The following SYNE2 variants were observed in gnomAD, a reference collection of about 807,000 sequenced individuals.
The protein encoded by SYNE2 is nesprin-2.
A neutral mutation model predicts 856.3 loss-of-function variants in SYNE2; 431 were observed. The ratio of observed to expected loss-of-function variants is 0.50; its 90% CI spans 0.47 to 0.55. SYNE2 has a LOEUF of 0.55. SYNE2 is among the 20% of genes least tolerant of loss of function. SYNE2 has a pLI of 0.00. For missense variants in SYNE2, 8,129 were observed against 8,023.2 expected (o/e 1.01, Z -0.50); for synonymous variants, 2,923 against 2,872.3 (o/e 1.02, Z -0.56).
rs572144224 is a variant in SYNE2, at chr14:63,785,654, C to T, written c.-305+23668C>T. Among the ~76,000 whole-genome samples, 3 of 152,288 alleles carry T rather than the reference C, an allele frequency of 2.0e-5. No individual in the cohort carries two copies. In the East Asian group the frequency reaches 5.8e-4, roughly 29 times the overall value. The stretch of plus-strand genomic sequence containing the variant: ...AACCATGTGCGACAAGTGTGGATAT[C>T]TGTCCACAAAACGTACAAGATTCTG... On this transcript the variant is annotated intron_variant, in intron 1 of 23. Coordinates refer to the SYNE2 transcript ENST00000674003.
intron 21 of SYNE2, 93 bp downstream of exon 21, chr14:63,991,208 C>T (rs1467665713): frequency 8.1e-7 from 1 of 1,229,400 alleles, no homozygotes; most frequent in Non-Finnish European, 1.2e-6. Flanking sequence ...TAATTATATA[C>T]TGAGTTACTG....
chr14:63,784,264 G>A (rs1029651829), intron 1 of SYNE2, among the ~76,000 whole-genome samples: 5 of 151,240 alleles, frequency 3.3e-5, no homozygotes, highest in Admixed American at 6.6e-5. Flanking sequence ...AGGTTGAGGC[G>A]GGTGGATCAC....
chr14:64,106,785 T>C (rs955365578), intron 64 of SYNE2, among the ~76,000 whole-genome samples: 2 of 152,254 alleles, frequency 1.3e-5, no homozygotes, highest in African/African-American at 2.4e-5. Context: ...TCCTTTCTTG[T>C]CATGCTTCCC....
At chr14:63,821,265 TA>T (rs1278618396) in intron 1 of SYNE2, among the ~76,000 whole-genome samples, 5 of 152,170 alleles carry the variant, frequency 3.3e-5, no homozygotes, top group Non-Finnish European at 5.9e-5. Flanking sequence ...CAGCCTGAAA[TA>T]ACATTTTGGA....
intron 1 of SYNE2, among the ~76,000 whole-genome samples, chr14:63,889,785 C>T (rs2095084643): frequency 6.6e-6 from 1 of 151,864 alleles, no homozygotes; most frequent in South Asian, 2.1e-4. Flanking sequence ...GCCCGTACTG[C>T]AGTATTTAGT....
chr14:63,908,164 C>G (rs562342807), intron 1 of SYNE2, among the ~76,000 whole-genome samples: 78 of 152,196 alleles, frequency 5.1e-4, no homozygotes, highest in African/African-American at 1.9e-3. Flanking sequence ...CCCCCTCCCC[C>G]AGCATTTTAT....
chr14:64,215,143 T>C, intron 106 of SYNE2, 143 bp from the exon 107 acceptor site: 1 of 816,786 alleles, frequency 1.2e-6, no homozygotes, highest in East Asian at 2.6e-5. Flanking sequence ...AAAAAAAATC[T>C]TTCTGGTTTT....
intron 1 of SYNE2, among the ~76,000 whole-genome samples, chr14:63,879,290 C>G (rs753970639): frequency 6.6e-6 from 1 of 152,178 alleles, no homozygotes; most frequent in Admixed American, 6.5e-5. Context: ...ACTCCTCTAG[C>G]AAGGCAGGAA....
At chr14:64,103,709 C>A (rs1419871663) in intron 64 of SYNE2, among the ~76,000 whole-genome samples, 1 of 152,132 alleles carries the variant, frequency 6.6e-6, no homozygotes, top group East Asian at 1.9e-4. Flanking sequence ...GGCTTCCCCT[C>A]CCTAACATGT....
intron 66 of SYNE2, among the ~76,000 whole-genome samples, chr14:64,116,459 C>G (rs1355000895): frequency 6.6e-6 from 1 of 152,038 alleles, no homozygotes; most frequent in East Asian, 1.9e-4. Context: ...TCGCTCTCAC[C>G]CAGGCTGGAG....
Position 64,130,068 on chromosome 14 carries a change from G to A in SYNE2, c.14160G>A (p.Trp4720Ter). The A allele has an allele frequency of 6.2e-7, 1 of 1,613,928 alleles. No individual in the cohort carries two copies. The highest frequency in any genetic ancestry group is 8.5e-7 in the Non-Finnish European group (1 of 1,180,026). ...TTCAGGATGTACTTGACAGTATGTG[G>A]GGAATGCTAAGAGCCAGGTACACAG... ...YKLEDVLDSM[W>*]GMLRARYTEL... The change falls in exon 76 of 116, where the codon TGG becomes TGA. Residue 4720 changes from tryptophan to a stop codon, truncating the protein, a stop_gained. Coordinates refer to ENST00000555002, the MANE Select transcript of SYNE2 (RefSeq NM_182914.3). LOFTEE classifies it high-confidence loss of function.
At chr14:63,939,801 G>A (rs2095880991) in intron 2 of SYNE2, among the ~76,000 whole-genome samples, 1 of 152,180 alleles carries the variant, frequency 6.6e-6, no homozygotes. Context: ...AGGTCACACA[G>A]CTACCCCATA....
At chr14:64,208,734 T>C (rs758153210) in intron 100 of SYNE2, 24 bp from the exon 101 acceptor site, 1 of 1,613,750 alleles carries the variant, frequency 6.2e-7, no homozygotes, top group African/African-American at 1.3e-5. Context: ...TCTCAAGAGG[T>C]TTCTTACTCT....
intron 109 of SYNE2, 73 bp from the exon 110 acceptor site, chr14:64,219,135 A>AC: frequency 2.1e-6 from 2 of 960,358 alleles, no homozygotes; most frequent in Admixed American, 2.0e-5. Context: ...AACCACCCTG[A>AC]CCCCTAATTA....
intron 45 of SYNE2, among the ~76,000 whole-genome samples, chr14:64,037,483 G>T (rs2097101049): frequency 6.6e-6 from 1 of 152,192 alleles, no homozygotes; most frequent in South Asian, 2.1e-4. Context: ...CAAGGCAAAA[G>T]AATTTTTCTT....
intron 62 of SYNE2, 140 bp from the exon 63 acceptor site, chr14:64,098,601 CGGACCA>C: frequency 1.3e-6 from 1 of 786,672 alleles, no homozygotes; most frequent in Non-Finnish European, 2.2e-6. Flanking sequence ...AGGAGCTGAA[CGGACCA>C]GGAGACAGGC....
In SYNE2 at chr14:64,048,126, T is replaced by G. The variant is rs2097199277; in HGVS notation, c.7348T>G (p.Leu2450Val). 1.2e-6 allele frequency: 2 copies of G among 1,613,438 alleles called. No individual in the cohort carries two copies. Among genetic ancestry groups the G allele is most frequent in the Non-Finnish European group, 1.7e-6 (2 of 1,179,644 alleles). Reference protein sequence around the residue: ...QNQPLELDTMLRNEQLEEIEK... With the variant: ...QNQPLELDTMVRNEQLEEIEK... ...TCAACCTTTAGAATTAGATACTATG[T>G]TAAGAAATGAACAATTAGAAGAGAT... The change falls in exon 46 of 116, where the codon TTA (leucine) becomes GTA (valine). Residue 2450 changes from leucine to valine, a missense_variant. Physicochemically the swap from Leu to Val is conservative, Grantham distance 32 (BLOSUM62 1). This residue lies in a region of SYNE2 where 5,410 missense variants were observed against 5,284.8 expected (regional missense o/e 1.02). Transcript: ENST00000555002.
In SYNE2 at chr14:64,158,834, G is replaced by A; in HGVS notation, c.15963+39G>A. On this transcript the variant is annotated intron_variant, in intron 86 of 115. Coordinates refer to ENST00000555002, the MANE Select transcript of SYNE2 (RefSeq NM_182914.3). ...AGCTTGGCATGGTGCATTATTGGCA[G>A]GAAATTACAAATGGGAGGAAGCACA... is the stretch of plus-strand genomic sequence containing the variant. 2.5e-6 allele frequency: 4 copies of A among 1,608,622 alleles called. No individual in the cohort carries two copies. The African/African-American group carries it at 4.0e-5, about 16-fold the overall frequency.
chr14:63,838,851 T>C (rs1275365758), intron 1 of SYNE2, among the ~76,000 whole-genome samples: 1 of 151,994 alleles, frequency 6.6e-6, no homozygotes, highest in Non-Finnish European at 1.5e-5. Context: ...ATACATAGCA[T>C]ATGCCTAGGA....
Sources: allele counts gnomAD v4.1 joint callset (sites outside exome capture counted in the v4.1 genomes callset), GRCh38; gene constraint gnomAD v4.1.1; regional missense constraint gnomAD v4.1.1; transcripts MANE v1.5; gene names NCBI Gene and HGNC (gene_info 2026-07-23, HGNC 2026-07-21).